The following FLT1 variants were observed in gnomAD, a reference collection of about 807,000 sequenced individuals.
FLT1 encodes the protein fms related receptor tyrosine kinase 1, also known as vascular endothelial growth factor receptor 1.
Under a neutral mutation model 156.3 loss-of-function variants are expected in FLT1, and 49 were observed. The observed-to-expected ratio is 0.31, with a 90% CI of 0.25 to 0.40. FLT1 has a LOEUF of 0.40. Ranked by LOEUF, FLT1 falls within the 10% of genes least tolerant of loss-of-function variation. The pLI, the probability that FLT1 is intolerant of heterozygous loss-of-function variation, is 1.00. For missense variants in FLT1, 1,322 were observed against 1,637.2 expected (o/e 0.81, Z 3.32); for synonymous variants, 594 against 583.8 (o/e 1.02, Z -0.25).
At chr13:28,438,107 A>T in intron 4 of FLT1, 114 bp downstream of exon 4, 1 of 1,029,508 alleles carries the variant, frequency 9.7e-7, no homozygotes, top group South Asian at 1.3e-5. Flanking sequence ...AGGAAAGTCC[A>T]CTGAGAAGCC....
At chr13:28,409,993 T>C (rs1876052376) in intron 10 of FLT1, among the ~76,000 whole-genome samples, 1 of 152,164 alleles carries the variant, frequency 6.6e-6, no homozygotes, top group Admixed American at 6.5e-5. Context: ...CAGTTTATAT[T>C]ACAGTTTCTA....
chr13:28,439,513 G>A lies in FLT1; in HGVS notation c.389-1168C>T, dbSNP rs1201038198. Reference sequence around the variant, plus strand: ...CTACAGTGATCATTATGGTAGAACTGTGTCCCCACCAAAACGATATGCTGA... The same window carrying A: ...CTACAGTGATCATTATGGTAGAACTATGTCCCCACCAAAACGATATGCTGA... On this transcript the variant is annotated intron_variant, in intron 3 of 29. Coordinates refer to ENST00000282397, the MANE Select transcript of FLT1 (RefSeq NM_002019.4). The surrounding 1 kb of genome is among the most constrained non-coding windows in gnomAD (Gnocchi z 4.1). Among the ~76,000 whole-genome samples, 1 of 152,202 alleles carries A rather than the reference G, an allele frequency of 6.6e-6. No individual in the cohort carries two copies. The highest frequency in any genetic ancestry group is 1.5e-5 in the Non-Finnish European group (1 of 68,036).
chr13:28,400,343 A>G (rs1211796389), intron 11 of FLT1, among the ~76,000 whole-genome samples: 3 of 152,250 alleles, frequency 2.0e-5, no homozygotes, highest in Non-Finnish European at 4.4e-5. Flanking sequence ...TTTGATAAAT[A>G]CAATGGTTAT....
intron 3 of FLT1, among the ~76,000 whole-genome samples, chr13:28,455,405 G>T (rs1566037152): frequency 6.6e-6 from 1 of 152,122 alleles, no homozygotes; most frequent in Admixed American, 6.5e-5. Context: ...AATAAATGGT[G>T]CTGAAAAACT....
At chr13:28,411,037 T>C (rs1331793355) in intron 10 of FLT1, among the ~76,000 whole-genome samples, 1 of 152,004 alleles carries the variant, frequency 6.6e-6, no homozygotes, top group Non-Finnish European at 1.5e-5. Flanking sequence ...AAATTCAAAC[T>C]AGCACAAAGT....
rs531031990 is a variant in FLT1, at chr13:28,426,781, T to C, written c.1436+378A>G. 2.0e-5 allele frequency among the ~76,000 whole-genome samples: 3 copies of C among 152,138 alleles called. No individual in the cohort carries two copies. The South Asian group carries it at 6.2e-4, about 32-fold the overall frequency. ...AAGAACTTGGATCATAACCAAAGAA[T>C]ACAAAATGAAAAATGGGAATGCTAA... On this transcript the variant is annotated intron_variant, in intron 10 of 29. Coordinates refer to ENST00000282397, the MANE Select transcript of FLT1 (RefSeq NM_002019.4).
rs776912289 is a variant in FLT1 at position 28,390,030 on chromosome 13, CTG to C, written c.1733_1734del (p.Thr578SerfsTer2). On this transcript the variant is annotated frameshift_variant, in exon 13 of 30. Coordinates refer to ENST00000282397, the MANE Select transcript of FLT1 (RefSeq NM_002019.4). LOFTEE classifies it high-confidence loss of function. ...TEGEDLKLSC[T>X]VNKFLYRDVT... The stretch of plus-strand genomic sequence containing the variant: ...ACGTCTCTGTATAAGAACTTGTTAA[CTG>C]TGCAAGACAGTTTCAGGTCCTCTCC... 1 of 1,614,212 alleles carries C rather than the reference CTG, an allele frequency of 6.2e-7. No homozygotes were observed. The highest frequency in any genetic ancestry group is 1.1e-5 in the South Asian group (1 of 91,084).
intron 20 of FLT1, among the ~76,000 whole-genome samples, chr13:28,324,493 A>G (rs1871597902): frequency 6.6e-6 from 1 of 152,254 alleles, no homozygotes; most frequent in Non-Finnish European, 1.5e-5. Flanking sequence ...CCAGCCCCTG[A>G]AAAGAGACCT....
chr13:28,404,404 C>T (rs1174735688), intron 11 of FLT1, among the ~76,000 whole-genome samples: 1 of 152,210 alleles, frequency 6.6e-6, no homozygotes, highest in Admixed American at 6.5e-5. Context: ...GGTTAATCAT[C>T]TTATCTTCCC....
chr13:28,418,765 C>G (rs557722406), intron 10 of FLT1, among the ~76,000 whole-genome samples: 3 of 151,920 alleles, frequency 2.0e-5, no homozygotes, highest in African/African-American at 7.2e-5. Flanking sequence ...AGAGATGGGG[C>G]CTCTCTATGT....
chr13:28,412,307 C>CTCTT lies in FLT1; in HGVS notation c.1437-6417_1437-6414dup, dbSNP rs958476857. Reference sequence around the variant, plus strand: ...CCCCCTTCTCTTTCTTTTTCTCTTTCTCTTTCTTTCTTTCTTTCTTTCTTT... The same window carrying CTCTT: ...CCCCCTTCTCTTTCTTTTTCTCTTTCTCTTTCTTTCTTTCTTTCTTTCTTTCTTT... On this transcript the variant is annotated intron_variant, in intron 10 of 29. Coordinates refer to ENST00000282397, the MANE Select transcript of FLT1 (RefSeq NM_002019.4). Among the ~76,000 whole-genome samples, 407 of 53,590 alleles carry CTCTT rather than the reference C, an allele frequency of 7.6e-3. 12 individuals are homozygous for CTCTT. Among genetic ancestry groups the CTCTT allele is most frequent in the African/African-American group, 0.012 (257 of 20,902 alleles). The allele number at this position is 53,590 out of a possible 152,430, so 35.2% of individuals were successfully genotyped here.
intron 25 of FLT1, among the ~76,000 whole-genome samples, chr13:28,315,043 T>A (rs1871144830): frequency 6.6e-6 from 1 of 152,184 alleles, no homozygotes; most frequent in Admixed American, 6.5e-5. Context: ...GATGGTGCTG[T>A]GGACTCTGGA....
intron 14 of FLT1, among the ~76,000 whole-genome samples, chr13:28,378,085 TG>T (rs2137438424): frequency 6.6e-6 from 1 of 151,450 alleles, no homozygotes; most frequent in East Asian, 1.9e-4. Flanking sequence ...AGTCTTGCTC[TG>T]TTGCCAGGCT....
chr13:28,327,776 A>C (rs74994707), intron 19 of FLT1, among the ~76,000 whole-genome samples: 1,478 of 139,366 alleles, frequency 0.011, 29 homozygotes, highest in African/African-American at 0.036. Context: ...AAAAAAAAAA[A>C]GGAGGTGAGG....
intron 3 of FLT1, among the ~76,000 whole-genome samples, chr13:28,465,796 A>G (rs892321645): frequency 1.3e-5 from 2 of 152,170 alleles, no homozygotes; most frequent in Non-Finnish European, 2.9e-5. Flanking sequence ...GTGAGCTGCC[A>G]TTGCACTCCA....
At chr13:28,313,096 AG>A (rs1871071303) in intron 25 of FLT1, among the ~76,000 whole-genome samples, 1 of 152,022 alleles carries the variant, frequency 6.6e-6, no homozygotes, top group Non-Finnish European at 1.5e-5. Flanking sequence ...CTCCTGCCTT[AG>A]CCTCCTGAGT....
intron 10 of FLT1, among the ~76,000 whole-genome samples, chr13:28,408,731 C>T (rs1233564637): frequency 6.6e-6 from 1 of 152,168 alleles, no homozygotes; most frequent in Non-Finnish European, 1.5e-5. Context: ...TAAGAAAGCT[C>T]CCATGCACTA....
chr13:28,345,005 A>G (rs1872512413), intron 16 of FLT1, among the ~76,000 whole-genome samples: 1 of 151,550 alleles, frequency 6.6e-6, no homozygotes, highest in Non-Finnish European at 1.5e-5. Context: ...GTCTTACTAT[A>G]TCGGACAGGC....
At position 28,341,922 on chromosome 13, in the gene FLT1, G is replaced by A. The variant is rs187042414; in HGVS notation, c.2356-2622C>T. 2.4e-3 allele frequency among the ~76,000 whole-genome samples: 361 copies of A among 151,870 alleles called. 1 individual carries two copies. The highest frequency in any genetic ancestry group is 8.1e-3 in the African/African-American group (337 of 41,376). Reference sequence around the variant, plus strand: ...TTTTAGATGGAGTCTCACTCTTGTCGCCTAGGCTGGAGTGCAGCGATATGA... The same window carrying A: ...TTTTAGATGGAGTCTCACTCTTGTCACCTAGGCTGGAGTGCAGCGATATGA... On this transcript the variant is annotated intron_variant, in intron 16 of 29. Coordinates refer to ENST00000282397, the MANE Select transcript of FLT1 (RefSeq NM_002019.4).
Sources: allele counts gnomAD v4.1 joint callset (sites outside exome capture counted in the v4.1 genomes callset), GRCh38; gene constraint gnomAD v4.1.1; non-coding constraint Gnocchi (gnomAD v3.1); transcripts MANE v1.5; gene names NCBI Gene and HGNC (gene_info 2026-07-23, HGNC 2026-07-21).